The following LUZP2 variants were observed in gnomAD, a reference collection of about 807,000 sequenced individuals.
LUZP2 encodes the protein leucine zipper protein 2.
Under a neutral mutation model 51.6 loss-of-function variants are expected in LUZP2, and 52 were observed. The observed-to-expected ratio is 1.01, with a 90% CI of 0.81 to 1.27. LUZP2 has a LOEUF of 1.27. LUZP2 is among the 50% of genes most tolerant of loss of function. LUZP2 has a pLI of 0.00. For missense variants in LUZP2, 436 were observed against 395.4 expected, an observed-to-expected ratio of 1.10 and a Z score of -0.87; for synonymous variants, 154 against 137.3, an observed-to-expected ratio of 1.12 and a Z score of -0.85.
At chr11:24,811,614 T>C (rs930499209) in intron 5 of LUZP2, among the ~76,000 whole-genome samples, 1 of 152,062 alleles carries the variant, frequency 6.6e-6, no homozygotes, top group Non-Finnish European at 1.5e-5. Flanking sequence ...ATAAACATAG[T>C]ATCTAATAGG....
At chr11:24,738,931 C>G (rs1859036548) in intron 4 of LUZP2, among the ~76,000 whole-genome samples, 1 of 152,022 alleles carries the variant, frequency 6.6e-6, no homozygotes, top group South Asian at 2.1e-4. Flanking sequence ...ACTGTATTCC[C>G]CAAAGCCACC....
intron 9 of LUZP2, among the ~76,000 whole-genome samples, chr11:24,990,885 G>C (rs1430559231): frequency 6.6e-6 from 1 of 151,604 alleles, no homozygotes; most frequent in Non-Finnish European, 1.5e-5. Context: ...CCTTTCATGG[G>C]TTCATCTCAA....
At chr11:24,833,273 A>G (rs1284820095) in intron 5 of LUZP2, among the ~76,000 whole-genome samples, 1 of 152,202 alleles carries the variant, frequency 6.6e-6, no homozygotes, top group African/African-American at 2.4e-5. Flanking sequence ...TTCAAATTGG[A>G]GAACTGGGAA....
intron 1 of LUZP2, among the ~76,000 whole-genome samples, chr11:24,636,326 G>A (rs148398292): frequency 2.0e-5 from 3 of 152,154 alleles, no homozygotes; most frequent in African/African-American, 7.2e-5. Context: ...AAAACAATAA[G>A]TAATTAAATA....
At chr11:24,956,748 CA>C (rs897923462) in intron 7 of LUZP2, among the ~76,000 whole-genome samples, 35 of 151,872 alleles carry the variant, frequency 2.3e-4, no homozygotes, top group Non-Finnish European at 4.0e-4. Flanking sequence ...AAAAGATGAA[CA>C]GGGGTGAAAA....
chr11:24,648,543 T>C (rs759232618), intron 1 of LUZP2, among the ~76,000 whole-genome samples: 1 of 151,884 alleles, frequency 6.6e-6, no homozygotes, highest in Admixed American at 6.6e-5. Context: ...TACATTCTGA[T>C]TTATAGACTT....
intron 9 of LUZP2, among the ~76,000 whole-genome samples, chr11:24,997,159 G>C (rs1283289171): frequency 2.0e-5 from 3 of 150,414 alleles, no homozygotes; most frequent in Non-Finnish European, 3.0e-5. Context: ...GGGTCAAATG[G>C]TATTTCTAGT....
intron 9 of LUZP2, among the ~76,000 whole-genome samples, chr11:25,020,190 A>G (rs1405796960): frequency 1.3e-5 from 2 of 152,140 alleles, no homozygotes; most frequent in Non-Finnish European, 2.9e-5. Flanking sequence ...AAGGAGCAAT[A>G]GCAAAAAAAG....
intron 1 of LUZP2, among the ~76,000 whole-genome samples, chr11:24,498,221 A>G (rs1167802509): frequency 1.3e-5 from 2 of 152,226 alleles, no homozygotes; most frequent in African/African-American, 4.8e-5. Context: ...CTTGGCTACT[A>G]TAAAATAAAA....
At chr11:24,660,599 C>A (rs1482721760) in intron 1 of LUZP2, among the ~76,000 whole-genome samples, 2 of 152,116 alleles carry the variant, frequency 1.3e-5, no homozygotes, top group African/African-American at 4.8e-5. Context: ...CGAAGAACCC[C>A]TGATCATAAA....
chr11:24,920,953 AAG>A (rs1175146673), intron 7 of LUZP2, among the ~76,000 whole-genome samples: 1 of 152,102 alleles, frequency 6.6e-6, no homozygotes, highest in Non-Finnish European at 1.5e-5. Context: ...ACAAATAAAA[AAG>A]AAAATATTTT....
rs532845651 is a variant in LUZP2, at chr11:24,626,445, T to G, written c.63-102724T>G. ...TTAAAATACACTCCCAAGTATAATT[T>G]CACAGTGAATCACAATTACATTTTC... On this transcript the variant is annotated intron_variant, in intron 1 of 11. Coordinates refer to ENST00000336930, the MANE Select transcript of LUZP2 (RefSeq NM_001009909.4). Among the ~76,000 whole-genome samples, 16 of 152,312 alleles carry G rather than the reference T, an allele frequency of 1.1e-4. No homozygotes were observed. In the South Asian group the frequency reaches 3.3e-3, roughly 32 times the overall value.
intron 1 of LUZP2, among the ~76,000 whole-genome samples, chr11:24,693,593 GAGATCTT>G (rs1465859465): frequency 6.6e-6 from 1 of 151,888 alleles, no homozygotes; most frequent in East Asian, 1.9e-4. Flanking sequence ...AGGAAAACTA[GAGATCTT>G]TGTTTTTCAT....
At chr11:24,834,567 G>A (rs887857412) in intron 5 of LUZP2, among the ~76,000 whole-genome samples, 3 of 152,154 alleles carry the variant, frequency 2.0e-5, no homozygotes, top group African/African-American at 7.2e-5. Flanking sequence ...ATGTGCATGT[G>A]TCTTTATAGT....
chr11:24,687,631 T>G (rs746303622), intron 1 of LUZP2, among the ~76,000 whole-genome samples: 1 of 152,110 alleles, frequency 6.6e-6, no homozygotes, highest in African/African-American at 2.4e-5. Context: ...AGGCAGAACT[T>G]ATTTGCAAAC....
At chr11:24,763,013 TAA>T in intron 4 of LUZP2, 5 of 753,158 alleles carry the variant, frequency 6.6e-6, no homozygotes, top group Non-Finnish European at 8.1e-6. Context: ...TTTCTCAATT[TAA>T]AAAAAAAATA....
chr11:24,853,445 C>T (rs1851456502), intron 5 of LUZP2, among the ~76,000 whole-genome samples: 1 of 151,930 alleles, frequency 6.6e-6, no homozygotes, highest in African/African-American at 2.4e-5. Flanking sequence ...TCATGAAGTT[C>T]TTGTGCTGTG....
intron 1 of LUZP2, among the ~76,000 whole-genome samples, chr11:24,533,510 A>G (rs1190260602): frequency 6.6e-6 from 1 of 151,288 alleles, no homozygotes; most frequent in African/African-American, 2.4e-5. Context: ...TGTCTTTCAA[A>G]CTGCTTTCTT....
At chr11:24,727,309 A>AT (rs1858517515) in intron 1 of LUZP2, among the ~76,000 whole-genome samples, 2 of 151,982 alleles carry the variant, frequency 1.3e-5, no homozygotes, top group Admixed American at 1.3e-4. Flanking sequence ...TGTGGTTAAG[A>AT]TATTAGGCTT....
Sources: gnomAD v4.1 joint callset for allele counts (sites outside exome capture counted in the v4.1 genomes callset) on GRCh38, gnomAD v4.1.1 for gene constraint, MANE v1.5 for transcripts, NCBI Gene and HGNC (gene_info 2026-07-23, HGNC 2026-07-21) for gene names.